Variants in STK10 observed in about 807,000 individuals in gnomAD.
STK10 encodes the protein serine/threonine kinase 10.
STK10 carries 78 observed loss-of-function variants against 113.8 expected under a neutral mutation model. The observed-to-expected ratio is 0.69, with a 90% confidence interval of 0.57 to 0.83. The LOEUF is 0.83. STK10 is among the 40% of genes least tolerant of loss of function. The pLI, the probability that STK10 is intolerant of heterozygous loss-of-function variation, is 0.00. For synonymous variants in STK10, 465 were observed against 494.7 expected (o/e 0.94, Z 0.80); for missense variants, 1,109 against 1,280.1 (o/e 0.87, Z 2.04).
intron 4 of STK10, among the ~76,000 whole-genome samples, chr5:172,111,613 G>A (rs1769239330): frequency 6.6e-6 from 1 of 152,158 alleles, no homozygotes; most frequent in Admixed American, 6.5e-5. Flanking sequence ...CAATTCAAAA[G>A]GGATTTTCAC....
chr5:172,048,416 C>CACACAG, intron 18 of STK10, among the ~76,000 whole-genome samples: 1 of 136,278 alleles, frequency 7.3e-6, no homozygotes, highest in African/African-American at 3.1e-5. Context: ...CCTCTCCCTA[C>CACACAG]ACACACACAC....
At chr5:172,081,743 G>A (rs1351796630) in intron 12 of STK10, among the ~76,000 whole-genome samples, 2 of 152,212 alleles carry the variant, frequency 1.3e-5, no homozygotes, top group Non-Finnish European at 2.9e-5. Flanking sequence ...AGCCTGGACT[G>A]GCGTTCCTGC....
chr5:172,179,768 C>T (rs150473523), intron 1 of STK10, among the ~76,000 whole-genome samples: 13 of 152,302 alleles, frequency 8.5e-5, no homozygotes, highest in East Asian at 1.9e-4. Context: ...GATCTCTTTC[C>T]GGAGGAGGAG....
rs1261566310 is a variant in STK10, at chr5:172,042,375, C to T, written c.*2507G>A. ...GGTGAGGCTAGGTGACCCCGCCAGT[C>T]CCCATCCAGAAAAGCACAGGGGAGC... On this transcript the variant is annotated 3_prime_UTR_variant, in exon 19 of 19. Transcript: ENST00000176763. The T allele has an allele frequency of 1.3e-5, 2 of 152,646 alleles. No homozygotes were observed. The highest frequency in any genetic ancestry group is 1.9e-4 in the East Asian group (1 of 5,196). 9.5% of individuals were successfully genotyped at this position (152,646 alleles called of 1,614,324 possible).
chr5:172,105,529 G>A lies in STK10; in HGVS notation c.870+127C>T, dbSNP rs551128298. The A allele has an allele frequency of 4.0e-4, 402 of 1,009,920 alleles. 3 individuals carry two copies. Among genetic ancestry groups the A allele is most frequent in the South Asian group, 3.0e-3 (202 of 68,378 alleles). 62.6% of individuals were successfully genotyped at this position (1,009,920 alleles called of 1,614,324 possible). A position where few individuals can be genotyped will look rare whatever the true frequency, so the allele number is the denominator to read the frequency against. On this transcript the variant is annotated intron_variant, in intron 7 of 18. Transcript: ENST00000176763. ...TTCAGGAGGTGCCTGGGGAATACCC[G>A]CTGATGGACAAACAGCTGTCCATGC... is the stretch of plus-strand genomic sequence containing the variant.
chr5:172,092,451 G>A (rs899404608), intron 9 of STK10: 1 of 152,012 alleles, frequency 6.6e-6, no homozygotes, highest in African/African-American at 2.4e-5. Context: ...GTGTCTTCAG[G>A]AAGAGAAGTG....
At chr5:172,177,906 C>A (rs968423680) in intron 1 of STK10, among the ~76,000 whole-genome samples, 18 of 152,194 alleles carry the variant, frequency 1.2e-4, no homozygotes, top group African/African-American at 4.1e-4. Flanking sequence ...CAGCTCACTG[C>A]AACCTCTGCC....
At chr5:172,127,444 T>G (rs1359993741) in intron 2 of STK10, 23 bp from the exon 3 acceptor site, 2 of 1,612,522 alleles carry the variant, frequency 1.2e-6, no homozygotes, top group African/African-American at 2.7e-5. Flanking sequence ...CAGGGCAAAG[T>G]GACAATGAGT....
intron 4 of STK10, among the ~76,000 whole-genome samples, chr5:172,110,396 G>A (rs537074975): frequency 9.5e-4 from 144 of 151,884 alleles, no homozygotes; most frequent in Non-Finnish European, 1.7e-3. Context: ...ACCAAGTCCT[G>A]CCTGACATGC....
At chr5:172,054,431 A>G (rs1413421819) in intron 17 of STK10, 138 bp downstream of exon 17, 49 of 1,285,272 alleles carry the variant, frequency 3.8e-5, no homozygotes, top group Non-Finnish European at 5.1e-5. Flanking sequence ...GCAGCATGGC[A>G]GGGCTGGAAA....
intron 1 of STK10, among the ~76,000 whole-genome samples, chr5:172,171,241 C>T (rs1020116445): frequency 2.0e-4 from 30 of 152,150 alleles, no homozygotes; most frequent in Admixed American, 8.5e-4. Flanking sequence ...TGCGGTGGGA[C>T]GTTCTTGAAC....
chr5:172,081,319 C>A (rs559168671), intron 12 of STK10, among the ~76,000 whole-genome samples: 1 of 148,130 alleles, frequency 6.8e-6, no homozygotes, highest in African/African-American at 2.5e-5. Context: ...CCACTGCACT[C>A]CAGCCTGGGT....
Position 172,054,610 on chromosome 5 carries a change from C to T in STK10, c.2611G>A (p.Ala871Thr), listed in dbSNP as rs766008671. ...KHENQMRDML[A>T]QCESNMSELQ... The stretch of plus-strand genomic sequence containing the variant: ...TCGCTCATGTTGCTCTCACACTGCG[C>T]CAGCATGTCCCGCATCTGGTTCTCG... The change falls in exon 17 of 19, where the codon GCG (alanine) becomes ACG (threonine). Residue 871 changes from alanine to threonine, a missense_variant. Physicochemically the swap from Ala to Thr is moderately conservative, Grantham distance 58 (BLOSUM62 0). Coordinates refer to ENST00000176763, the MANE Select transcript of STK10 (RefSeq NM_005990.4). 16 of 1,610,154 alleles carry T rather than the reference C, an allele frequency of 9.9e-6. No individual in the cohort carries two copies. The East Asian group carries it at 3.1e-4, about 31-fold the overall frequency.
chr5:172,184,262 C>T (rs1286814138), intron 1 of STK10, among the ~76,000 whole-genome samples: 1 of 152,126 alleles, frequency 6.6e-6, no homozygotes, highest in Non-Finnish European at 1.5e-5. Context: ...TTAGAGGGGT[C>T]TTTAGTAAAA....
chr5:172,167,115 G>A (rs1255799097), intron 1 of STK10, among the ~76,000 whole-genome samples: 1 of 151,104 alleles, frequency 6.6e-6, no homozygotes, highest in Non-Finnish European at 1.5e-5. Context: ...AGCTGAGATC[G>A]TGCCACTGCA....
chr5:172,082,809 G>C lies in STK10; in HGVS notation c.1809+152C>G. On this transcript the variant is annotated intron_variant, in intron 11 of 18. Transcript: ENST00000176763. The surrounding 1 kb of genome is among the most constrained non-coding windows in gnomAD (Gnocchi z 4.3). ...CCTTCACGGGGTTCTGTGTTAACAA[G>C]TCACTGCCTAACAAGATCGGGAAGC... 1 of 1,273,260 alleles carries C rather than the reference G, an allele frequency of 7.9e-7. No homozygotes were observed. Among genetic ancestry groups the C allele is most frequent in the South Asian group, 1.5e-5 (1 of 68,142 alleles). 78.9% of individuals were successfully genotyped at this position (1,273,260 alleles called of 1,614,324 possible). A position where few individuals can be genotyped will look rare whatever the true frequency, so the allele number is the denominator to read the frequency against.
chr5:172,147,960 T>A (rs569453013), intron 2 of STK10, among the ~76,000 whole-genome samples: 1 of 152,328 alleles, frequency 6.6e-6, no homozygotes, highest in South Asian at 2.1e-4. Flanking sequence ...GTATCACACC[T>A]GCCATCTGCG....
chr5:172,149,373 T>C (rs527890310), intron 2 of STK10, among the ~76,000 whole-genome samples: 1 of 152,210 alleles, frequency 6.6e-6, no homozygotes, highest in South Asian at 2.1e-4. Context: ...TCCCCCACTT[T>C]CCCTCCCTGA....
At chr5:172,119,958 T>C (rs1479057674) in intron 3 of STK10, among the ~76,000 whole-genome samples, 1 of 151,884 alleles carries the variant, frequency 6.6e-6, no homozygotes, top group African/African-American at 2.4e-5. Flanking sequence ...CAGCTGGAGG[T>C]CATCACAGTG....
Sources: gnomAD v4.1 joint callset for allele counts (sites outside exome capture counted in the v4.1 genomes callset) on GRCh38, gnomAD v4.1.1 for gene constraint, Gnocchi (gnomAD v3.1) non-coding constraint, MANE v1.5 for transcripts, NCBI Gene and HGNC (gene_info 2026-07-23, HGNC 2026-07-21) for gene names.